MACROH2A1: variants seen among roughly 807,000 people sequenced by gnomAD.
MACROH2A1 encodes macroH2A.1 histone.
Under a neutral mutation model 31.6 loss-of-function variants are expected in MACROH2A1, and 2 were observed. That is an observed-to-expected ratio of 0.06 (90% CI 0.03 to 0.20). MACROH2A1 has a LOEUF of 0.20. MACROH2A1 is among the 10% of genes least tolerant of loss of function. The probability of loss-of-function intolerance (pLI) is 1.00; values close to 1 mark genes in which losing one functional copy is unlikely to be tolerated. For missense variants in MACROH2A1, 230 were observed against 474.0 expected (o/e 0.49, Z 4.78); for synonymous variants, 169 against 189.6 (o/e 0.89, Z 0.89).
intron 8 of MACROH2A1, 113 bp downstream of exon 8, chr5:135,343,147 T>C: frequency 6.3e-7 from 1 of 1,590,116 alleles, no homozygotes; most frequent in Non-Finnish European, 8.5e-7. Context: ...CTGGTCTCCT[T>C]GGTTAAGGCA....
chr5:135,380,197 A>T (rs1765471481), intron 2 of MACROH2A1, among the ~76,000 whole-genome samples: 1 of 152,018 alleles, frequency 6.6e-6, no homozygotes, highest in African/African-American at 2.4e-5. Context: ...GTAGCTGCGG[A>T]ATATCTGGCC....
intron 8 of MACROH2A1, among the ~76,000 whole-genome samples, chr5:135,339,617 C>T (rs1294013085): frequency 1.3e-5 from 2 of 152,180 alleles, no homozygotes; most frequent in African/African-American, 4.8e-5. Context: ...CTTTGTCTGT[C>T]ACTTAGGGTA....
chr5:135,355,343 AC>A (rs1193820546), intron 5 of MACROH2A1: 1 of 437,120 alleles, frequency 2.3e-6, no homozygotes, highest in South Asian at 1.6e-5. Context: ...AGACTACAGT[AC>A]CTCAGGGAGC....
chr5:135,346,207 A>C, intron 6 of MACROH2A1, 150 bp from the exon 7 acceptor site: 1 of 632,090 alleles, frequency 1.6e-6, no homozygotes, highest in Non-Finnish European at 2.9e-6. Flanking sequence ...AAGTTAATAA[A>C]GTAAAATTGA....
intron 2 of MACROH2A1, 58 bp from the exon 3 acceptor site, chr5:135,370,200 G>A (rs952274768): frequency 1.5e-5 from 16 of 1,061,506 alleles, no homozygotes; most frequent in Admixed American, 8.0e-5. Flanking sequence ...TCCCCGCCCC[G>A]GTCCCCACAT....
chr5:135,355,481 C>T (rs1762070860), intron 5 of MACROH2A1: 1 of 311,172 alleles, frequency 3.2e-6, no homozygotes, highest in South Asian at 2.9e-5. Context: ...AGCAGAAGTC[C>T]TCAGGGTATG....
At chr5:135,376,684 G>A (rs1233268094) in intron 2 of MACROH2A1, among the ~76,000 whole-genome samples, 15 of 152,156 alleles carry the variant, frequency 9.9e-5, no homozygotes, top group Admixed American at 9.8e-4. Context: ...GTGGCCAAGT[G>A]CATCTAAGCC....
chr5:135,396,794 C>T (rs1351442702), intron 1 of MACROH2A1, among the ~76,000 whole-genome samples: 1 of 152,268 alleles, frequency 6.6e-6, no homozygotes, highest in East Asian at 1.9e-4. Flanking sequence ...TGAACAGGAG[C>T]TGATTCTCAG....
intron 1 of MACROH2A1, among the ~76,000 whole-genome samples, chr5:135,395,810 T>A (rs1026399588): frequency 1.3e-5 from 2 of 151,922 alleles, no homozygotes; most frequent in African/African-American, 4.8e-5. Flanking sequence ...AAACACCATA[T>A]CAAAAAGTGA....
chr5:135,388,937 G>A lies in MACROH2A1; in HGVS notation c.157C>T (p.Leu53=). 1.2e-6 allele frequency: 2 copies of A among 1,607,150 alleles called. No individual in the cohort carries two copies. The change falls in exon 2 of 9, where the codon CTG becomes TTG. Residue 53 remains leucine, a synonymous_variant. Transcript: ENST00000511689. The stretch of plus-strand genomic sequence containing the variant: ...GTACACTCACCTGTCAGGTATTCCA[G>A]GACGGCGGCCATGTACACGGGTGCC... ...VGAPVYMAAV[L]EYLTAEILEL... is the part of the protein sequence containing the mutation.
At chr5:135,382,025 C>T (rs1765722736) in intron 2 of MACROH2A1, among the ~76,000 whole-genome samples, 1 of 152,146 alleles carries the variant, frequency 6.6e-6, no homozygotes, top group Non-Finnish European at 1.5e-5. Context: ...GGATATACTT[C>T]AATAAGAAGT....
intron 4 of MACROH2A1, chr5:135,361,161 A>T (rs1376585883): frequency 5.3e-6 from 1 of 188,278 alleles, no homozygotes; most frequent in African/African-American, 2.4e-5. Context: ...CCCTTGACCC[A>T]TGGTTCTTGG....
chr5:135,360,705 A>G, intron 4 of MACROH2A1, 98 bp from the exon 5 acceptor site: 1 of 842,230 alleles, frequency 1.2e-6, no homozygotes, highest in South Asian at 1.4e-5. Context: ...CCAAGGGGAA[A>G]CAGGAAACTA....
chr5:135,384,268 A>G (rs1766090970), intron 2 of MACROH2A1, among the ~76,000 whole-genome samples: 1 of 152,166 alleles, frequency 6.6e-6, no homozygotes, highest in Admixed American at 6.5e-5. Context: ...CCCTATGACT[A>G]CCACCAAAGG....
intron 4 of MACROH2A1, chr5:135,362,274 C>G (rs2149809689): frequency 6.6e-6 from 1 of 152,286 alleles, no homozygotes; most frequent in South Asian, 2.1e-4. Context: ...TTGTTGTGAC[C>G]ATGTGTACCA....
chr5:135,346,934 G>A (rs920518205), intron 6 of MACROH2A1: 8 of 152,216 alleles, frequency 5.3e-5, no homozygotes, highest in African/African-American at 1.9e-4. Flanking sequence ...ATGTGGGATA[G>A]CAAGTGGCAA....
In MACROH2A1 at chr5:135,345,957, T is replaced by TGGG; in HGVS notation, c.778+10_778+11insCCC. ...CACAACCAGATAAGCACGGTGGCTT[T>TGGG]CCCACCTCACCTCCAGCTACTTCCA... On this transcript the variant is annotated intron_variant, in intron 7 of 8. Transcript: ENST00000511689. 4 of 1,584,704 alleles carry TGGG rather than the reference T, an allele frequency of 2.5e-6. No homozygotes were observed. The highest frequency in any genetic ancestry group is 1.7e-6 in the Non-Finnish European group (2 of 1,153,268).
Position 135,388,932 on chromosome 5 carries a change from T to C in MACROH2A1, c.162A>G (p.Glu54=), listed in dbSNP as rs11548903. The C allele has an allele frequency of 0.028, 45,138 of 1,606,166 alleles. 787 individuals carry two copies. The highest frequency in any genetic ancestry group is 0.032 in the Non-Finnish European group (37,470 of 1,173,646). The change falls in exon 2 of 9, where the codon GAA becomes GAG. Residue 54 remains glutamate, a synonymous_variant. Coordinates refer to ENST00000511689, the MANE Select transcript of MACROH2A1 (RefSeq NM_138610.3). ...GAPVYMAAVL[E]YLTAEILELA... ...CTGAGGTACACTCACCTGTCAGGTA[T>C]TCCAGGACGGCGGCCATGTACACGG... is the stretch of plus-strand genomic sequence containing the variant.
At chr5:135,380,931 G>C (rs1273451248) in intron 2 of MACROH2A1, among the ~76,000 whole-genome samples, 1 of 152,176 alleles carries the variant, frequency 6.6e-6, no homozygotes, top group African/African-American at 2.4e-5. Flanking sequence ...GACAGCATGT[G>C]GATTTTACCA....
Sources: allele counts gnomAD v4.1 joint callset (sites outside exome capture counted in the v4.1 genomes callset), GRCh38; gene constraint gnomAD v4.1.1; transcripts MANE v1.5; gene names NCBI Gene and HGNC (gene_info 2026-07-23, HGNC 2026-07-21).